CNTN5: variants seen among roughly 807,000 people sequenced by gnomAD.
CNTN5 encodes the protein contactin 5.
Under a neutral mutation model 129.1 loss-of-function variants are expected in CNTN5, and 77 were observed. The observed-to-expected ratio is 0.60, with a 90% confidence interval of 0.50 to 0.72. The LOEUF is 0.72. Among genes scored for constraint, CNTN5 ranks in the 30% least tolerant of loss-of-function variants. The probability of loss-of-function intolerance (pLI) is 0.00; values close to 1 mark genes in which losing one functional copy is unlikely to be tolerated. For synonymous variants in CNTN5, 509 were observed against 465.6 expected, an observed-to-expected ratio of 1.09 and a Z score of -1.20; for missense variants, 1,478 against 1,328.8, an observed-to-expected ratio of 1.11 and a Z score of -1.75.
intron 2 of CNTN5, among the ~76,000 whole-genome samples, chr11:99,549,512 C>T (rs1948412413): frequency 1.3e-5 from 2 of 152,144 alleles, no homozygotes; most frequent in Admixed American, 1.3e-4. Context: ...CTTTGGTTCC[C>T]AGCTTACCAC....
chr11:99,786,001 C>G (rs1184146211), intron 3 of CNTN5, among the ~76,000 whole-genome samples: 1 of 151,838 alleles, frequency 6.6e-6, no homozygotes, highest in Non-Finnish European at 1.5e-5. Flanking sequence ...GAAGTTTTGG[C>G]AAGGGCAATC....
At chr11:99,148,446 G>A (rs185467524) in intron 1 of CNTN5, among the ~76,000 whole-genome samples, 97 of 152,192 alleles carry the variant, frequency 6.4e-4, no homozygotes, top group African/African-American at 1.9e-3. Context: ...AGGTGGGCAG[G>A]CAATATTTAT....
intron 2 of CNTN5, among the ~76,000 whole-genome samples, chr11:99,465,469 T>C (rs902926341): frequency 1.3e-5 from 2 of 152,156 alleles, no homozygotes; most frequent in East Asian, 3.9e-4. Context: ...TCTAGTTTCA[T>C]TATAGTTTCT....
intron 3 of CNTN5, among the ~76,000 whole-genome samples, chr11:99,649,777 G>T (rs586533): frequency 0.6 from 91,202 of 151,504 alleles, 28,326 homozygotes; most frequent in Admixed American, 0.69. Flanking sequence ...GTTTTTTGAA[G>T]AAAACAGTCT....
At chr11:99,298,220 A>G (rs1864470029) in intron 1 of CNTN5, among the ~76,000 whole-genome samples, 1 of 152,214 alleles carries the variant, frequency 6.6e-6, no homozygotes, top group African/African-American at 2.4e-5. Context: ...TGAGCAATGA[A>G]TGATTCGCGA....
chr11:100,286,478 AC>A (rs1294839438), intron 18 of CNTN5, among the ~76,000 whole-genome samples: 2 of 149,914 alleles, frequency 1.3e-5, no homozygotes, highest in African/African-American at 2.5e-5. Context: ...ACTGGGAGGC[AC>A]CCCCCAGCAG....
chr11:99,059,004 C>G (rs1249527385), intron 1 of CNTN5, among the ~76,000 whole-genome samples: 1 of 149,506 alleles, frequency 6.7e-6, no homozygotes, highest in East Asian at 1.9e-4. Flanking sequence ...GTATATATAA[C>G]TTGATTAATA....
intron 1 of CNTN5, among the ~76,000 whole-genome samples, chr11:99,105,928 T>C (rs1396828445): frequency 6.6e-6 from 1 of 152,158 alleles, no homozygotes; most frequent in African/African-American, 2.4e-5. Context: ...ATAATTTCTA[T>C]TTAAGGACTT....
chr11:99,491,579 A>G (rs527998444), intron 2 of CNTN5, among the ~76,000 whole-genome samples: 1 of 152,310 alleles, frequency 6.6e-6, no homozygotes, highest in East Asian at 1.9e-4. Flanking sequence ...TTTCTGAGAC[A>G]ATATGCTATT....
At chr11:99,783,137 ACCCC>A (rs1367953821) in intron 3 of CNTN5, among the ~76,000 whole-genome samples, 15 of 77,024 alleles carry the variant, frequency 1.9e-4, no homozygotes, top group East Asian at 4.6e-4. Context: ...GAAAAAAACA[ACCCC>A]ATCAAAAAGT....
At chr11:100,151,869 G>A (rs1186722363) in intron 13 of CNTN5, among the ~76,000 whole-genome samples, 1 of 152,108 alleles carries the variant, frequency 6.6e-6, no homozygotes, top group Non-Finnish European at 1.5e-5. Context: ...CCTGTGTATA[G>A]TATGTCTTTA....
rs1209678777 is a variant in CNTN5 at position 100,070,540 on chromosome 11, G to GGA, written c.1281_1282dup (p.Val428GlufsTer17). On this transcript the variant is annotated frameshift_variant, in exon 11 of 25. Coordinates refer to ENST00000524871, the MANE Select transcript of CNTN5 (RefSeq NM_014361.4). LOFTEE classifies it high-confidence loss of function. ...ACCCACGTATCGTTGGCTGAAGAAT[G>GGA]GAGTACCCCTCTCACCTCAGGTACT... is the stretch of plus-strand genomic sequence containing the variant. 6.2e-7 allele frequency: 1 copy of GGA among 1,612,908 alleles called. No homozygotes were observed. The highest frequency in any genetic ancestry group is 8.5e-7 in the Non-Finnish European group (1 of 1,179,416).
At chr11:99,744,674 T>G (rs1054517135) in intron 3 of CNTN5, among the ~76,000 whole-genome samples, 18 of 147,766 alleles carry the variant, frequency 1.2e-4, no homozygotes, top group African/African-American at 4.5e-4. Context: ...GAGCAGTGAT[T>G]GTGCCACTGC....
chr11:99,734,142 C>T (rs1383488360), intron 3 of CNTN5, among the ~76,000 whole-genome samples: 11 of 152,044 alleles, frequency 7.2e-5, no homozygotes, highest in South Asian at 4.2e-4. Context: ...TTATGGGGTA[C>T]GTGAGAAATT....
intron 6 of CNTN5, among the ~76,000 whole-genome samples, chr11:99,848,733 A>G (rs1947780843): frequency 6.6e-6 from 1 of 152,114 alleles, no homozygotes; most frequent in African/African-American, 2.4e-5. Flanking sequence ...CTTTAATTTT[A>G]TCATATGTTG....
rs1952582869 is a variant in CNTN5, at chr11:100,358,829, A to G, written c.*2609A>G. On this transcript the variant is annotated 3_prime_UTR_variant, in exon 25 of 25. Coordinates refer to ENST00000524871, the MANE Select transcript of CNTN5 (RefSeq NM_014361.4). ...GCACAGTCAAATAATAGTTCTGTGT[A>G]CTGTTCTTGTAACATTAGATCTTTT... 6.6e-6 allele frequency: 1 copy of G among 152,068 alleles called. No homozygotes were observed. Among genetic ancestry groups the G allele is most frequent in the Non-Finnish European group, 1.5e-5 (1 of 67,872 alleles). 9.4% of individuals were successfully genotyped at this position (152,068 alleles called of 1,614,324 possible). A position where few individuals can be genotyped will look rare whatever the true frequency, so the allele number is the denominator to read the frequency against.
At chr11:99,463,443 G>GAA (rs66933434) in intron 2 of CNTN5, among the ~76,000 whole-genome samples, 45,642 of 126,746 alleles carry the variant, frequency 0.36, 9,585 homozygotes, top group East Asian at 0.61. Flanking sequence ...GTCTCAAAAA[G>GAA]AAAAAAAAAA....
At chr11:99,032,261 T>C (rs1244741944) in intron 1 of CNTN5, among the ~76,000 whole-genome samples, 1 of 152,002 alleles carries the variant, frequency 6.6e-6, no homozygotes, top group Non-Finnish European at 1.5e-5. Context: ...GCATGATTTA[T>C]AGTCCTTTGG....
At chr11:99,462,578 C>CT (rs1203213401) in intron 2 of CNTN5, among the ~76,000 whole-genome samples, 2 of 152,000 alleles carry the variant, frequency 1.3e-5, no homozygotes, top group Non-Finnish European at 2.9e-5. Flanking sequence ...GTTAATTCAT[C>CT]TTTTTGAAAA....
Sources: gnomAD v4.1 joint callset for allele counts (sites outside exome capture counted in the v4.1 genomes callset) on GRCh38, gnomAD v4.1.1 for gene constraint, MANE v1.5 for transcripts, NCBI Gene and HGNC (gene_info 2026-07-23, HGNC 2026-07-21) for gene names.